ASIC2: variants seen among roughly 807,000 people sequenced by gnomAD.
ASIC2 encodes acid sensing ion channel subunit 2.
A neutral mutation model predicts 57.3 loss-of-function variants in ASIC2; 25 were observed. The ratio of observed to expected loss-of-function variants is 0.44; its 90% CI spans 0.32 to 0.61. ASIC2 has a LOEUF of 0.61. ASIC2 is among the 20% of genes least tolerant of loss of function. ASIC2 has a pLI of 0.06. For missense variants in ASIC2, 641 were observed against 738.1 expected (o/e 0.87, Z 1.52); for synonymous variants, 319 against 307.5 (o/e 1.04, Z -0.39).
intron 1 of ASIC2, among the ~76,000 whole-genome samples, chr17:33,238,530 C>T (rs972981511): frequency 4.6e-5 from 7 of 152,226 alleles, no homozygotes; most frequent in Admixed American, 1.3e-4. Context: ...ATGCCTACAA[C>T]GGCCTGCCAT....
chr17:33,551,172 G>A (rs1268619498), intron 1 of ASIC2, among the ~76,000 whole-genome samples: 1 of 152,212 alleles, frequency 6.6e-6, no homozygotes, highest in African/African-American at 2.4e-5. Context: ...TTGGTCGGAT[G>A]TCTTTTCGGT....
chr17:33,319,879 G>C (rs1415096895), intron 1 of ASIC2, among the ~76,000 whole-genome samples: 1 of 152,152 alleles, frequency 6.6e-6, no homozygotes, highest in African/African-American at 2.4e-5. Context: ...GTTGACTATA[G>C]TCACTCTGTT....
chr17:33,984,009 A>ACTC (rs1567778603), intron 1 of ASIC2, among the ~76,000 whole-genome samples: 1 of 152,142 alleles, frequency 6.6e-6, no homozygotes, highest in Non-Finnish European at 1.5e-5. Context: ...TGTTGTCACT[A>ACTC]GTTCTGGTTT....
chr17:34,120,928 C>G (rs538715989), intron 1 of ASIC2, among the ~76,000 whole-genome samples: 215 of 151,760 alleles, frequency 1.4e-3, no homozygotes, highest in African/African-American at 4.8e-3. Context: ...TTAGCAGAGA[C>G]AGGGTTTTAC....
chr17:33,464,459 CTTTCTTTCTTTCTTTCTTTTCTCTCTT>C (rs1567620813), intron 1 of ASIC2, among the ~76,000 whole-genome samples: 25 of 72,226 alleles, frequency 3.5e-4, no homozygotes, highest in South Asian at 4.9e-4. Context: ...CTCTTTTTCT[CTTTCTTTCTTTCTTTCTTTTCTCTCTT>C]TCTTTCTTTC....
At chr17:33,750,985 G>A (rs2701474) in intron 1 of ASIC2, among the ~76,000 whole-genome samples, 51,322 of 152,028 alleles carry the variant, frequency 0.34, 10,671 homozygotes, top group Non-Finnish European at 0.49. Flanking sequence ...AATACAGATT[G>A]GGTTGCTGGG....
At chr17:33,877,379 G>A (rs1914575641) in intron 1 of ASIC2, among the ~76,000 whole-genome samples, 1 of 152,178 alleles carries the variant, frequency 6.6e-6, no homozygotes, top group South Asian at 2.1e-4. Context: ...TCAAAGAACA[G>A]GGTGACAGAC....
chr17:33,835,157 T>C (rs1213825762), intron 1 of ASIC2, among the ~76,000 whole-genome samples: 1 of 152,198 alleles, frequency 6.6e-6, no homozygotes, highest in Non-Finnish European at 1.5e-5. Context: ...AGCCTAGTGG[T>C]CAAGGGGGTT....
intron 1 of ASIC2, among the ~76,000 whole-genome samples, chr17:33,298,698 G>A (rs915446145): frequency 3.3e-5 from 5 of 152,152 alleles, no homozygotes; most frequent in Admixed American, 6.5e-5. Flanking sequence ...GGTTGAACTA[G>A]TTTACAGTCC....
At chr17:33,599,842 C>G (rs188772599) in intron 1 of ASIC2, among the ~76,000 whole-genome samples, 6 of 152,160 alleles carry the variant, frequency 3.9e-5, no homozygotes, top group Non-Finnish European at 8.8e-5. Flanking sequence ...CTCTACCACC[C>G]TTCTAGAAAG....
intron 1 of ASIC2, among the ~76,000 whole-genome samples, chr17:33,642,892 C>T (rs1157618515): frequency 2.0e-5 from 3 of 152,206 alleles, no homozygotes; most frequent in South Asian, 2.1e-4. Context: ...CATGGCTTCC[C>T]AAGGGCCAGG....
chr17:33,361,791 G>A (rs1908617593), intron 1 of ASIC2, among the ~76,000 whole-genome samples: 1 of 152,152 alleles, frequency 6.6e-6, no homozygotes, highest in African/African-American at 2.4e-5. Context: ...CACAAAGTAA[G>A]ACATATGGAA....
At chr17:33,762,778 T>C (rs915042887) in intron 1 of ASIC2, among the ~76,000 whole-genome samples, 3 of 152,190 alleles carry the variant, frequency 2.0e-5, no homozygotes, top group Admixed American at 1.3e-4. Flanking sequence ...GTGTCCCATG[T>C]TAGAGCAGCC....
chr17:34,033,508 T>A (rs960266642), intron 1 of ASIC2, among the ~76,000 whole-genome samples: 1 of 151,880 alleles, frequency 6.6e-6, no homozygotes, highest in African/African-American at 2.4e-5. Context: ...AAAAAATAAC[T>A]AAGATCAGAG....
intron 1 of ASIC2, among the ~76,000 whole-genome samples, chr17:33,552,534 C>G (rs948947937): frequency 1.2e-4 from 18 of 152,266 alleles, no homozygotes; most frequent in African/African-American, 4.3e-4. Context: ...CCAGTTCCAG[C>G]TCTTGCACTT....
intron 1 of ASIC2, among the ~76,000 whole-genome samples, chr17:33,514,927 C>T (rs1914522519): frequency 6.6e-6 from 1 of 152,222 alleles, no homozygotes; most frequent in Non-Finnish European, 1.5e-5. Flanking sequence ...GGACCTCGGT[C>T]CTTTCTCCCA....
intron 1 of ASIC2, among the ~76,000 whole-genome samples, chr17:33,950,824 C>T (rs971789051): frequency 1.3e-5 from 2 of 152,190 alleles, no homozygotes; most frequent in Non-Finnish European, 2.9e-5. Flanking sequence ...AAGCACCATC[C>T]CTGTTGCCTT....
intron 1 of ASIC2, among the ~76,000 whole-genome samples, chr17:33,473,820 C>A (rs2141921400): frequency 6.6e-6 from 1 of 152,124 alleles, no homozygotes; most frequent in South Asian, 2.1e-4. Context: ...CTGAAACCAC[C>A]TTTTTCTTTG....
chr17:34,053,288 T>C (rs983372582), intron 1 of ASIC2, among the ~76,000 whole-genome samples: 2 of 152,190 alleles, frequency 1.3e-5, no homozygotes, highest in Non-Finnish European at 2.9e-5. Flanking sequence ...CTCATAAAAG[T>C]CAGGCCCTCT....
Sources: gnomAD v4.1 joint callset for allele counts (sites outside exome capture counted in the v4.1 genomes callset) on GRCh38, gnomAD v4.1.1 for gene constraint, MANE v1.5 for transcripts, NCBI Gene and HGNC (gene_info 2026-07-23, HGNC 2026-07-21) for gene names.